Variants in PTPN6 observed in about 807,000 individuals in gnomAD.
The protein encoded by PTPN6 is protein tyrosine phosphatase non-receptor type 6.
PTPN6 carries 18 observed loss-of-function variants against 81.5 expected under a neutral mutation model. That is an observed-to-expected ratio of 0.22 (90% CI 0.15 to 0.33). The LOEUF is 0.33. Ranked by LOEUF, PTPN6 falls within the 10% of genes least tolerant of loss-of-function variation. PTPN6 has a pLI of 1.00. For missense variants in PTPN6, 500 were observed against 794.2 expected (o/e 0.63, Z 4.45); for synonymous variants, 301 against 310.9 (o/e 0.97, Z 0.33).
rs1161233916 is a variant in PTPN6 at position 6,957,482 on chromosome 12, G to A, written c.1075-172G>A. ...AGTGGCTGGCCAGGCCTCACCACCT[G>A]TTGGTGGTTGATCTGAGACGAGAGC... On this transcript the variant is annotated intron_variant, in intron 9 of 15. Transcript: ENST00000318974. This position sits in a 1 kb window ranked among gnomAD's most constrained non-coding sequence, Gnocchi z 6.5. Among the ~76,000 whole-genome samples the A allele has an allele frequency of 6.6e-6, 1 of 152,218 alleles. No individual in the cohort carries two copies. The highest frequency in any genetic ancestry group is 1.5e-5 in the Non-Finnish European group (1 of 68,040).
chr12:6,956,692 A>T lies in PTPN6; in HGVS notation c.1074+124A>T, dbSNP rs1176125775. ...GTGAGGGTCCGGCCCTTGTTGGGAA[A>T]CTGAGGGCTAGTGACAAAGTCTCGA... On this transcript the variant is annotated intron_variant, in intron 9 of 15. Transcript: ENST00000318974. The surrounding 1 kb of genome is among the most constrained non-coding windows in gnomAD (Gnocchi z 4.1). 5.4e-6 allele frequency: 7 copies of T among 1,300,160 alleles called. No homozygotes were observed. The highest frequency in any genetic ancestry group is 7.5e-6 in the Non-Finnish European group (7 of 930,392). The allele number at this position is 1,300,160 out of a possible 1,614,324, so 80.5% of individuals were successfully genotyped here. A position where few individuals can be genotyped will look rare whatever the true frequency, so the allele number is the denominator to read the frequency against.
Position 6,951,495 on chromosome 12 carries a change from T to C in PTPN6, c.-18T>C. ...CTCCTCATTCCCTGCGCCCCCTTCCTCTCCGGAAGCCCCCAGGATGGTGAG... is the reference window on the plus strand; with the variant it reads ...CTCCTCATTCCCTGCGCCCCCTTCCCCTCCGGAAGCCCCCAGGATGGTGAG... On this transcript the variant is annotated 5_prime_UTR_variant, in exon 1 of 16. Coordinates refer to ENST00000318974, the MANE Select transcript of PTPN6 (RefSeq NM_002831.6). This position sits in a 1 kb window ranked among gnomAD's most constrained non-coding sequence, Gnocchi z 7.2. 2 of 1,613,700 alleles carry C rather than the reference T, an allele frequency of 1.2e-6. No individual in the cohort carries two copies. The highest frequency in any genetic ancestry group is 1.7e-6 in the Non-Finnish European group (2 of 1,179,826).
upstream of PTPN6, among the ~76,000 whole-genome samples, chr12:6,948,959 A>AG: frequency 6.6e-6 from 1 of 151,642 alleles, no homozygotes; most frequent in East Asian, 1.9e-4. Flanking sequence ...AAAAAAAAAA[A>AG]AAGAAAAGAA....
intron 15 of PTPN6, 75 bp from the exon 16 acceptor site, chr12:6,961,051 A>G: frequency 1.3e-6 from 2 of 1,502,716 alleles, no homozygotes; most frequent in Non-Finnish European, 1.8e-6. Context: ...TGTGCTTCCC[A>G]GCTGCCCCAG....
Position 6,952,197 on chromosome 12 carries a change from G to A in PTPN6, c.326+20G>A, listed in dbSNP as rs782195895. Reference sequence around the variant, plus strand: ...TGAGAGGTGAGGGCTCCGCACCCCCGCCATTCCCAAGCAGGGATGAGCCGG... The same window carrying A: ...TGAGAGGTGAGGGCTCCGCACCCCCACCATTCCCAAGCAGGGATGAGCCGG... On this transcript the variant is annotated intron_variant, in intron 3 of 15. Coordinates refer to ENST00000318974, the MANE Select transcript of PTPN6 (RefSeq NM_002831.6). This position sits in a 1 kb window ranked among gnomAD's most constrained non-coding sequence, Gnocchi z 8.1. 2.5e-6 allele frequency: 4 copies of A among 1,612,628 alleles called. No homozygotes were observed. In the East Asian group the frequency reaches 6.7e-5, roughly 27 times the overall value.
rs1555147822 is a variant in PTPN6 at position 6,951,866 on chromosome 12, C to T, written c.132-117C>T. 1.9e-6 allele frequency: 3 copies of T among 1,561,496 alleles called. No homozygotes were observed. Among genetic ancestry groups the T allele is most frequent in the Non-Finnish European group, 1.7e-6 (2 of 1,142,966 alleles). On this transcript the variant is annotated intron_variant, in intron 2 of 15. Coordinates refer to ENST00000318974, the MANE Select transcript of PTPN6 (RefSeq NM_002831.6). This position sits in a 1 kb window ranked among gnomAD's most constrained non-coding sequence, Gnocchi z 7.2. The stretch of plus-strand genomic sequence containing the variant: ...CCCTTGCCCCCAACCCCCACACTCC[C>T]CATCCCTGTCTGTGCCCACCCATGC...
Position 6,956,651 on chromosome 12 carries a change from G to A in PTPN6, c.1074+83G>A. On this transcript the variant is annotated intron_variant, in intron 9 of 15. Coordinates refer to ENST00000318974, the MANE Select transcript of PTPN6 (RefSeq NM_002831.6). The surrounding 1 kb of genome is among the most constrained non-coding windows in gnomAD (Gnocchi z 4.1). ...CGAAGAGCAGTCAGATGCCAGGGCA[G>A]AAAGGGATCTCAGGGGTGAGGGTCC... 6.4e-7 allele frequency: 1 copy of A among 1,573,086 alleles called. No homozygotes were observed. Among genetic ancestry groups the A allele is most frequent in the Non-Finnish European group, 8.7e-7 (1 of 1,150,514 alleles).
In PTPN6 at chr12:6,952,001, C is replaced by T; in HGVS notation, c.150C>T (p.Thr50=). ...SLSVRVGDQV[T]HIRIQNSGDF... ...CCTGCAGGGTGGGGGATCAGGTGAC[C>T]CATATTCGGATCCAGAACTCAGGGG... The change falls in exon 3 of 16, where the codon ACC becomes ACT. Residue 50 remains threonine, a synonymous_variant. Transcript: ENST00000318974. This position sits in a 1 kb window ranked among gnomAD's most constrained non-coding sequence, Gnocchi z 8.1. 6.2e-7 allele frequency: 1 copy of T among 1,614,096 alleles called. No homozygotes were observed. Among genetic ancestry groups the T allele is most frequent in the Admixed American group, 1.7e-5 (1 of 60,016 alleles).
chr12:6,955,281 C>T lies in PTPN6; in HGVS notation c.633+14C>T. The stretch of plus-strand genomic sequence containing the variant: ...TACCTGCGGCAGGTCAGGGGTGGGC[C>T]CAGCTGCCTCCCCACTTCCCCTGAG... On this transcript the variant is annotated intron_variant, in intron 5 of 15. Coordinates refer to ENST00000318974, the MANE Select transcript of PTPN6 (RefSeq NM_002831.6). The surrounding 1 kb of genome is among the most constrained non-coding windows in gnomAD (Gnocchi z 7.2). 6.2e-7 allele frequency: 1 copy of T among 1,612,500 alleles called. No individual in the cohort carries two copies. The highest frequency in any genetic ancestry group is 8.5e-7 in the Non-Finnish European group (1 of 1,178,496).
upstream of PTPN6, among the ~76,000 whole-genome samples, chr12:6,949,253 G>A (rs1440682254): frequency 6.6e-6 from 1 of 152,208 alleles, no homozygotes; most frequent in Non-Finnish European, 1.5e-5. Flanking sequence ...CCACCTCTCA[G>A]AACAACTTTG....
chr12:6,960,022 G>C lies in PTPN6; in HGVS notation c.1429+28G>C. 2 of 1,611,274 alleles carry C rather than the reference G, an allele frequency of 1.2e-6. No individual in the cohort carries two copies. Among genetic ancestry groups the C allele is most frequent in the South Asian group, 1.1e-5 (1 of 91,020 alleles). ...GAGGGGCACCTGGGGGTTTGGGGGT[G>C]GGGGGTGAGCAGCCCCTCGGTGTCC... On this transcript the variant is annotated intron_variant, in intron 12 of 15. Transcript: ENST00000318974. This position sits in a 1 kb window ranked among gnomAD's most constrained non-coding sequence, Gnocchi z 6.1.
chr12:6,956,413 G>A lies in PTPN6; in HGVS notation c.925-6G>A, dbSNP rs2110071. The A allele has an allele frequency of 0.92, 1,484,461 of 1,613,996 alleles. 691,106 individuals are homozygous for A. The highest frequency in any genetic ancestry group is 0.99 in the South Asian group (89,923 of 91,092). ...TTGGGGTGCGTCTCTCCACGCTTGC[G>A]TCCAGAACCAGCTGCTAGGCCCTGA... On this transcript the variant is annotated splice_polypyrimidine_tract_variant and splice_region_variant and intron_variant, in intron 8 of 15. Coordinates refer to ENST00000318974, the MANE Select transcript of PTPN6 (RefSeq NM_002831.6). This position sits in a 1 kb window ranked among gnomAD's most constrained non-coding sequence, Gnocchi z 4.1.
chr12:6,955,049 A>G lies in PTPN6; in HGVS notation c.516+55A>G. The G allele has an allele frequency of 6.2e-7, 1 of 1,610,018 alleles. No individual in the cohort carries two copies. Among genetic ancestry groups the G allele is most frequent in the East Asian group, 2.2e-5 (1 of 44,856 alleles). ...TGCTGAGGCTCCTGTCTGTGACCAC[A>G]GTGTGGGTGGCAGGGAGGGTCTGCC... On this transcript the variant is annotated intron_variant, in intron 4 of 15. Coordinates refer to ENST00000318974, the MANE Select transcript of PTPN6 (RefSeq NM_002831.6). The surrounding 1 kb of genome is among the most constrained non-coding windows in gnomAD (Gnocchi z 7.2).
intron 11 of PTPN6, among the ~76,000 whole-genome samples, chr12:6,958,353 C>G (rs1409114435): frequency 6.6e-6 from 1 of 152,204 alleles, no homozygotes; most frequent in East Asian, 1.9e-4. Context: ...AGCCCGGGAC[C>G]CAGTTGCTGG....
chr12:6,947,668 CAAA>C (rs112544780), upstream of PTPN6, among the ~76,000 whole-genome samples: 7 of 64,776 alleles, frequency 1.1e-4, no homozygotes, highest in Admixed American at 3.6e-4. Context: ...GACCTTGTCT[CAAA>C]AAAAAAAAAA....
Position 6,955,615 on chromosome 12 carries a change from TG to T in PTPN6, c.748-44del. Reference sequence around the variant, plus strand: ...ACCCCACGTGAGCTCCCCCGATGGATGCCCTCTTTGGGAGCTGATGCTCATT... The same window carrying T: ...ACCCCACGTGAGCTCCCCCGATGGATCCCTCTTTGGGAGCTGATGCTCATT... On this transcript the variant is annotated intron_variant, in intron 6 of 15. Coordinates refer to ENST00000318974, the MANE Select transcript of PTPN6 (RefSeq NM_002831.6). The surrounding 1 kb of genome is among the most constrained non-coding windows in gnomAD (Gnocchi z 7.2). 6.3e-7 allele frequency: 1 copy of T among 1,589,888 alleles called. No individual in the cohort carries two copies. The highest frequency in any genetic ancestry group is 1.1e-5 in the South Asian group (1 of 90,602).
At chr12:6,951,252 G>A, upstream of PTPN6, 1 of 1,436,126 alleles carries the variant, frequency 7.0e-7, no homozygotes, top group Non-Finnish European at 9.1e-7. The surrounding 1 kb of genome is among the most constrained non-coding windows in gnomAD (Gnocchi z 7.2). Context: ...ACCCTGCTCT[G>A]CTTCTCTTCC....
rs1945939281 is a variant in PTPN6 at position 6,952,218 on chromosome 12, G to A, written c.326+41G>A. On this transcript the variant is annotated intron_variant, in intron 3 of 15. Coordinates refer to ENST00000318974, the MANE Select transcript of PTPN6 (RefSeq NM_002831.6). The surrounding 1 kb of genome is among the most constrained non-coding windows in gnomAD (Gnocchi z 8.1). ...CCCCGCCATTCCCAAGCAGGGATGAGCCGGCTCCCACCCTGAACAGCCAGG... is the reference window on the plus strand; with the variant it reads ...CCCCGCCATTCCCAAGCAGGGATGAACCGGCTCCCACCCTGAACAGCCAGG... 1.9e-6 allele frequency: 3 copies of A among 1,609,484 alleles called. No homozygotes were observed. In the African/African-American group the frequency reaches 4.0e-5, roughly 22 times the overall value.
Position 6,955,877 on chromosome 12 carries a change from G to A in PTPN6, c.844+121G>A, listed in dbSNP as rs781861270. On this transcript the variant is annotated intron_variant, in intron 7 of 15. Transcript: ENST00000318974. The surrounding 1 kb of genome is among the most constrained non-coding windows in gnomAD (Gnocchi z 7.2). ...GCCATCTCCCCACACCCCCCACAGAGCCTCCCCCTTCTCCAAAAGGCCTCT... is the reference window on the plus strand; with the variant it reads ...GCCATCTCCCCACACCCCCCACAGAACCTCCCCCTTCTCCAAAAGGCCTCT... The A allele has an allele frequency of 1.8e-5, 17 of 964,348 alleles. No individual in the cohort carries two copies. The African/African-American group carries it at 2.4e-4, about 14-fold the overall frequency. 59.7% of individuals were successfully genotyped at this position (964,348 alleles called of 1,614,324 possible).
Sources: allele counts gnomAD v4.1 joint callset (sites outside exome capture counted in the v4.1 genomes callset), GRCh38; gene constraint gnomAD v4.1.1; non-coding constraint Gnocchi (gnomAD v3.1); transcripts MANE v1.5; gene names NCBI Gene and HGNC (gene_info 2026-07-23, HGNC 2026-07-21).